Variants in GRIK4 observed in about 807,000 individuals in gnomAD.
The protein encoded by GRIK4 is glutamate ionotropic receptor kainate type subunit 4, also known as glutamate receptor ionotropic, kainate 4.
GRIK4 carries 40 observed loss-of-function variants against 104.9 expected under a neutral mutation model. The ratio of observed to expected loss-of-function variants is 0.38; its 90% confidence interval spans 0.30 to 0.50. GRIK4 has a LOEUF of 0.50. GRIK4 is among the 20% of genes least tolerant of loss of function. GRIK4 has a pLI of 0.93. For missense variants in GRIK4, 1,047 were observed against 1,308.1 expected, an observed-to-expected ratio of 0.80 and a Z score of 3.08; for synonymous variants, 485 against 524.9, an observed-to-expected ratio of 0.92 and a Z score of 1.04.
chr11:120,636,129 G>A (rs894392746), intron 1 of GRIK4, among the ~76,000 whole-genome samples: 9 of 152,180 alleles, frequency 5.9e-5, no homozygotes, highest in South Asian at 4.1e-4. Context: ...GTAGTGTTCC[G>A]TTGTGTGAAT....
At chr11:120,838,831 C>G (rs1230845522) in intron 8 of GRIK4, among the ~76,000 whole-genome samples, 1 of 152,148 alleles carries the variant, frequency 6.6e-6, no homozygotes, top group Non-Finnish European at 1.5e-5. Flanking sequence ...GTCACCCAGG[C>G]TGAAGTGCAG....
Position 120,826,388 on chromosome 11 carries a change from G to A in GRIK4, c.512-5464G>A, listed in dbSNP as rs147908553. On this transcript the variant is annotated intron_variant, in intron 6 of 20. Transcript: ENST00000527524. ...CTGGCCTGTCCCGGGACCTCTGACC[G>A]TATGATCTCAGTCACTGAATTTCTC... 1.7e-3 allele frequency among the ~76,000 whole-genome samples: 262 copies of A among 152,230 alleles called. 1 individual carries two copies. The highest frequency in any genetic ancestry group is 3.2e-3 in the Non-Finnish European group (217 of 68,006).
At chr11:120,928,965 G>A (rs1420320765) in intron 13 of GRIK4, among the ~76,000 whole-genome samples, 1 of 10,124 alleles carries the variant, frequency 9.9e-5, no homozygotes, top group Non-Finnish European at 1.4e-3. Context: ...AAAGACGTGT[G>A]TGTGTGTGTG....
At chr11:120,875,752 A>C (rs1954769825) in intron 11 of GRIK4, among the ~76,000 whole-genome samples, 1 of 152,036 alleles carries the variant, frequency 6.6e-6, no homozygotes, top group Non-Finnish European at 1.5e-5. Context: ...CATTGCAGGG[A>C]TGCCTTGTCC....
intron 13 of GRIK4, among the ~76,000 whole-genome samples, chr11:120,911,113 GA>G (rs1395324605): frequency 6.6e-6 from 1 of 152,140 alleles, no homozygotes; most frequent in Non-Finnish European, 1.5e-5. Flanking sequence ...GCTGCAGCAT[GA>G]AACAAGCGGG....
chr11:120,632,877 T>C (rs1217130997), intron 1 of GRIK4, among the ~76,000 whole-genome samples: 1 of 152,158 alleles, frequency 6.6e-6, no homozygotes, highest in Non-Finnish European at 1.5e-5. Context: ...CCATTGACAC[T>C]ATGACCTTGT....
chr11:120,851,573 G>T (rs770541685), intron 8 of GRIK4, among the ~76,000 whole-genome samples: 13 of 152,152 alleles, frequency 8.5e-5, no homozygotes, highest in Non-Finnish European at 1.6e-4. Context: ...TCTATTTCTA[G>T]TGCCCAACAT....
At chr11:120,797,378 G>A (rs556121627) in intron 3 of GRIK4, among the ~76,000 whole-genome samples, 4 of 152,316 alleles carry the variant, frequency 2.6e-5, no homozygotes, top group Admixed American at 2.6e-4. Flanking sequence ...GGGACGCAGT[G>A]CAGGCTATGA....
intron 1 of GRIK4, among the ~76,000 whole-genome samples, chr11:120,651,426 C>T (rs1295274008): frequency 6.6e-6 from 1 of 152,134 alleles, no homozygotes; most frequent in African/African-American, 2.4e-5. Flanking sequence ...TTTAGAGGTG[C>T]ATTAGGGGTC....
chr11:120,637,896 T>G (rs1265484054), intron 1 of GRIK4, among the ~76,000 whole-genome samples: 1 of 152,210 alleles, frequency 6.6e-6, no homozygotes, highest in East Asian at 1.9e-4. Context: ...ATTATTATTA[T>G]TGAGAGGGAG....
chr11:120,980,293 C>T (rs960477427), intron 19 of GRIK4, among the ~76,000 whole-genome samples: 5 of 152,208 alleles, frequency 3.3e-5, no homozygotes, highest in African/African-American at 1.2e-4. Flanking sequence ...GTCCACCCAG[C>T]CTCCCTCGAC....
chr11:120,844,834 G>C (rs150377988), intron 8 of GRIK4, among the ~76,000 whole-genome samples: 2 of 152,320 alleles, frequency 1.3e-5, no homozygotes, highest in Non-Finnish European at 2.9e-5. Context: ...GGGTTCTGCT[G>C]AGTGAGAGTG....
intron 1 of GRIK4, among the ~76,000 whole-genome samples, chr11:120,646,369 C>T (rs574441176): frequency 3.3e-5 from 5 of 152,278 alleles, no homozygotes; most frequent in South Asian, 4.1e-4. Context: ...TGGTAGGTAG[C>T]GGCACCCAGG....
chr11:120,944,979 G>T (rs1380784598), intron 14 of GRIK4, among the ~76,000 whole-genome samples: 1 of 151,252 alleles, frequency 6.6e-6, no homozygotes, highest in Non-Finnish European at 1.5e-5. Context: ...TAATCTATTT[G>T]CAGCCTGGGT....
intron 12 of GRIK4, among the ~76,000 whole-genome samples, chr11:120,904,013 G>A (rs1942809419): frequency 6.6e-6 from 1 of 152,070 alleles, no homozygotes; most frequent in African/African-American, 2.4e-5. Context: ...CAGCCTTCCT[G>A]GCTGCTTCTG....
intron 1 of GRIK4, among the ~76,000 whole-genome samples, chr11:120,600,526 G>A (rs1040983130): frequency 6.6e-6 from 1 of 152,154 alleles, no homozygotes; most frequent in Non-Finnish European, 1.5e-5. Flanking sequence ...TTTGAACAGA[G>A]GGCTGAGGAG....
At chr11:120,949,094 G>A (rs1349418640) in intron 14 of GRIK4, among the ~76,000 whole-genome samples, 2 of 152,154 alleles carry the variant, frequency 1.3e-5, no homozygotes, top group Non-Finnish European at 2.9e-5. Flanking sequence ...GCATTCTTCC[G>A]AGAATGTCAT....
intron 3 of GRIK4, among the ~76,000 whole-genome samples, chr11:120,783,772 A>T (rs1952209365): frequency 6.6e-6 from 1 of 152,216 alleles, no homozygotes; most frequent in African/African-American, 2.4e-5. Context: ...AAATTCATGC[A>T]GACAGCATGA....
intron 1 of GRIK4, among the ~76,000 whole-genome samples, chr11:120,643,093 C>T (rs1470125777): frequency 6.6e-6 from 1 of 152,102 alleles, no homozygotes; most frequent in Non-Finnish European, 1.5e-5. Context: ...GTTTAGGACC[C>T]ATAAAGAACA....
Sources: allele counts gnomAD v4.1 joint callset (sites outside exome capture counted in the v4.1 genomes callset), GRCh38; gene constraint gnomAD v4.1.1; transcripts MANE v1.5; gene names NCBI Gene and HGNC (gene_info 2026-07-23, HGNC 2026-07-21).